The following EPG5 variants were observed in gnomAD, a reference collection of about 807,000 sequenced individuals.
EPG5 encodes ectopic P granules protein 5 homolog.
In EPG5, 159 loss-of-function variants were observed where a neutral mutation model predicts 302.7. The observed-to-expected ratio is 0.53, with a 90% CI of 0.46 to 0.60. The LOEUF is 0.60. Ranked by LOEUF, EPG5 falls within the 20% of genes least tolerant of loss-of-function variation. EPG5 has a pLI of 0.00. For synonymous variants in EPG5, 1,158 were observed against 1,136.8 expected, an observed-to-expected ratio of 1.02 and a Z score of -0.37; for missense variants, 2,896 against 3,092.4, an observed-to-expected ratio of 0.94 and a Z score of 1.51.
chr18:45,837,796 C>T, the EPG5 span: 2 of 1,525,134 alleles, frequency 1.3e-6, no homozygotes. Flanking sequence ...TCGAGCGCCT[C>T]GCCCTGGCTG....
At chr18:45,927,641 G>T (rs2050306404) in intron 13 of EPG5, among the ~76,000 whole-genome samples, 1 of 129,686 alleles carries the variant, frequency 7.7e-6, no homozygotes, top group African/African-American at 2.7e-5. Context: ...CACGCACCAA[G>T]GAATTATTAT....
chr18:45,855,484 C>A, intron 43 of EPG5, 89 bp downstream of exon 43: 1 of 847,250 alleles, frequency 1.2e-6, no homozygotes, highest in Non-Finnish European at 1.9e-6. Context: ...AGCATCATGT[C>A]ATGACGCGCA....
intron 43 of EPG5, among the ~76,000 whole-genome samples, chr18:45,854,524 T>TTCTC (rs149305986): frequency 6.6e-6 from 1 of 150,480 alleles, no homozygotes; most frequent in Admixed American, 6.6e-5. Context: ...TACTTAGCCT[T>TTCTC]TCTCTCTCTC....
the EPG5 span, among the ~76,000 whole-genome samples, chr18:45,807,506 G>A: frequency 2.2e-4 from 33 of 152,250 alleles, no homozygotes; most frequent in African/African-American, 7.2e-4. Context: ...ACTAGAACAG[G>A]TGCTGGTATC....
chr18:45,910,574 G>C lies in EPG5; in HGVS notation c.4152C>G (p.His1384Gln), dbSNP rs200079588. Residue 1384 changes from histidine to glutamine, a missense_variant, in exon 23 of 44, where the codon CAC becomes CAG. Coordinates refer to ENST00000282041, the MANE Select transcript of EPG5 (RefSeq NM_020964.3). ...AEGSEGLPES[H>Q]SGTPGYLTSP... is the part of the protein sequence containing the mutation. Reference sequence around the variant, plus strand: ...AAGTCAGGTAACCAGGGGTGCCAGAGTGGCTCTCTGGCAGCCCTTCACTGC... The same window carrying C: ...AAGTCAGGTAACCAGGGGTGCCAGACTGGCTCTCTGGCAGCCCTTCACTGC... 4.8e-4 allele frequency: 776 copies of C among 1,613,792 alleles called. 1 individual carries two copies. Among genetic ancestry groups the C allele is most frequent in the Non-Finnish European group, 6.3e-4 (745 of 1,179,976 alleles).
Position 45,928,936 on chromosome 18 carries a change from G to A in EPG5, c.2486C>T (p.Ala829Val). The change falls in exon 13 of 44, where the codon GCT (alanine) becomes GTT (valine). Residue 829 changes from alanine (A) to valine (V), a missense_variant. By Grantham distance (64) the Ala-to-Val change is moderately conservative. This residue lies in a region of EPG5 where 1,390 missense variants were observed against 1,430.0 expected (regional missense o/e 0.97). Coordinates refer to ENST00000282041, the MANE Select transcript of EPG5 (RefSeq NM_020964.3). ...GACGGAAATTATCTCAGGGTGAACA[G>A]CTGTGATAGTCCCTAAAAGCTCTCG... The part of the protein sequence containing the change: ...VGRELLGTIT[A>V]VHPEIISVLL... 1 of 1,613,634 alleles carries A rather than the reference G, an allele frequency of 6.2e-7. No homozygotes were observed. Among genetic ancestry groups the A allele is most frequent in the Non-Finnish European group, 8.5e-7 (1 of 1,179,582 alleles).
chr18:45,880,299 G>T, intron 31 of EPG5, 76 bp from the exon 32 acceptor site: 1 of 1,352,746 alleles, frequency 7.4e-7, no homozygotes, highest in Non-Finnish European at 9.9e-7. Flanking sequence ...AAGAATATGA[G>T]CACCTTATAA....
At chr18:45,866,129 T>G (rs933725718) in intron 38 of EPG5, among the ~76,000 whole-genome samples, 4 of 151,648 alleles carry the variant, frequency 2.6e-5, no homozygotes, top group Non-Finnish European at 4.4e-5. Flanking sequence ...TTTCTTTTTT[T>G]TTTTTTTTGA....
In EPG5 at chr18:45,925,718, G is replaced by A; in HGVS notation, c.2718+20C>T. On this transcript the variant is annotated intron_variant, in intron 14 of 43. Transcript: ENST00000282041. ...TGCATGTACAACCTCCAGTCTCCAG[G>A]GAATGGTTTGAACACATACCTGTTT... 1 of 1,443,820 alleles carries A rather than the reference G, an allele frequency of 6.9e-7. No individual in the cohort carries two copies. Among genetic ancestry groups the A allele is most frequent in the Non-Finnish European group, 9.1e-7 (1 of 1,095,048 alleles). The allele number at this position is 1,443,820 out of a possible 1,614,324, so 89.4% of individuals were successfully genotyped here. A position where few individuals can be genotyped will look rare whatever the true frequency, so the allele number is the denominator to read the frequency against.
chr18:45,838,976 T>A, the EPG5 span: 43 of 1,601,658 alleles, frequency 2.7e-5, 1 homozygote, highest in African/African-American at 4.9e-4. Flanking sequence ...AGCGTCTACC[T>A]GTTCCGCTTC....
At chr18:45,812,638 T>A in the EPG5 span, among the ~76,000 whole-genome samples, 1 of 152,190 alleles carries the variant, frequency 6.6e-6, no homozygotes, top group Non-Finnish European at 1.5e-5. Context: ...GTCTGATCTT[T>A]GACAAACCTG....
intron 1 of EPG5, among the ~76,000 whole-genome samples, chr18:45,965,915 T>C (rs1250260283): frequency 6.6e-6 from 1 of 151,192 alleles, no homozygotes; most frequent in Non-Finnish European, 1.5e-5. Context: ...TAGCCGTGTG[T>C]GGTGGCGCAT....
chr18:45,869,527 T>C (rs976925996), intron 36 of EPG5, among the ~76,000 whole-genome samples: 1 of 152,244 alleles, frequency 6.6e-6, no homozygotes, highest in Admixed American at 6.5e-5. Flanking sequence ...ATCTGTCTTA[T>C]AGTTAAGGTC....
In EPG5 at chr18:45,967,101, G is replaced by A. The variant is rs1404999816; in HGVS notation, c.63+76C>T. On this transcript the variant is annotated intron_variant, in intron 1 of 43. Coordinates refer to ENST00000282041, the MANE Select transcript of EPG5 (RefSeq NM_020964.3). ...GGCTCAGGGAACGGGAGTAGAATTG[G>A]CTGGGGAGGCCGAAGAGAGGAGCAA... The A allele has an allele frequency of 4.2e-6, 6 of 1,435,518 alleles. No homozygotes were observed. In the African/African-American group the frequency reaches 8.5e-5, roughly 20 times the overall value. The allele number at this position is 1,435,518 out of a possible 1,614,324, so 88.9% of individuals were successfully genotyped here.
At chr18:45,844,383 G>A (rs561857508), downstream of EPG5, among the ~76,000 whole-genome samples, 194 of 152,164 alleles carry the variant, frequency 1.3e-3, 1 homozygote, top group Non-Finnish European at 2.1e-3. Context: ...ACAACTTATT[G>A]TATATTTTAA....
chr18:45,888,194 C>T (rs1311930510), intron 28 of EPG5, among the ~76,000 whole-genome samples: 1 of 151,458 alleles, frequency 6.6e-6, no homozygotes, highest in African/African-American at 2.4e-5. Flanking sequence ...CAACCTTCGC[C>T]TCCCGAGTTC....
chr18:45,831,782 G>A, the EPG5 span, among the ~76,000 whole-genome samples: 1 of 149,260 alleles, frequency 6.7e-6, no homozygotes, highest in Admixed American at 6.7e-5. Context: ...TTGTTGCCCA[G>A]GCTGGAGTAC....
intron 43 of EPG5, 135 bp from the exon 44 acceptor site, chr18:45,852,784 A>C: frequency 1.3e-6 from 1 of 749,398 alleles, no homozygotes; most frequent in Non-Finnish European, 2.2e-6. Flanking sequence ...AACTGAGGCC[A>C]GGAGTCCGGA....
rs1474079806 is a variant in EPG5, at chr18:45,934,908, G to A, written c.2158C>T (p.Leu720=). The A allele has an allele frequency of 1.9e-6, 3 of 1,614,036 alleles. No individual in the cohort carries two copies. The African/African-American group carries it at 4.0e-5, about 22-fold the overall frequency. The change falls in exon 11 of 44, where the codon CTG becomes TTG. Residue 720 remains leucine, a synonymous_variant. Coordinates refer to ENST00000282041, the MANE Select transcript of EPG5 (RefSeq NM_020964.3). The part of the protein sequence containing the change: ...MPFGTLSVQM[L]WKLFYLMHQV... ...TGCATGAGGTAGAAGAGCTTCCACA[G>A]CATTTGCACAGACAGAGTCCCAAAG...
Sources: allele counts gnomAD v4.1 joint callset (sites outside exome capture counted in the v4.1 genomes callset), GRCh38; gene constraint gnomAD v4.1.1; regional missense constraint gnomAD v4.1.1; transcripts MANE v1.5; gene names NCBI Gene and HGNC (gene_info 2026-07-23, HGNC 2026-07-21).